FBXL18: variants seen among roughly 807,000 people sequenced by gnomAD.
FBXL18 encodes F-box and leucine rich repeat protein 18.
Under a neutral mutation model 46.0 loss-of-function variants are expected in FBXL18, and 36 were observed. The observed-to-expected ratio is 0.78, with a 90% CI of 0.60 to 1.03. FBXL18 has a LOEUF of 1.03. Among genes scored for constraint, FBXL18 ranks in the 50% least tolerant of loss-of-function variants. The pLI is 0.00. For missense variants in FBXL18, 977 were observed against 1,004.1 expected, an observed-to-expected ratio of 0.97 and a Z score of 0.36; for synonymous variants, 557 against 465.3, an observed-to-expected ratio of 1.20 and a Z score of -2.54.
intron 1 of FBXL18, among the ~76,000 whole-genome samples, chr7:5,513,349 G>T (rs918582215): frequency 6.6e-6 from 1 of 152,142 alleles, no homozygotes; most frequent in Non-Finnish European, 1.5e-5. Context: ...AGGAACCGGG[G>T]CACTGAGAAA....
chr7:5,466,732 G>A (rs115609107), intron 4 of FBXL18, among the ~76,000 whole-genome samples: 5,642 of 152,188 alleles, frequency 0.037, 367 homozygotes, highest in African/African-American at 0.13. Flanking sequence ...CAGCACCGCC[G>A]TGCCACGACC....
In FBXL18 at chr7:5,500,962, G is replaced by C; in HGVS notation, c.1307C>G (p.Pro436Arg). ...ADSAPRADRAPAQPAMHAVPR... is the reference protein window; with the variant it reads ...ADSAPRADRARAQPAMHAVPR... ...CACTGCGTGCATGGCCGGCTGGGCG[G>C]GCGCGCGGTCGGCGCGCGGCGCGGA... The change falls in exon 3 of 5, where the codon CCC becomes CGC. Residue 436 changes from proline to arginine, a missense_variant. By Grantham distance (103) the Pro-to-Arg change is moderately radical. Coordinates refer to ENST00000382368, the MANE Select transcript of FBXL18 (RefSeq NM_024963.6). 6.5e-7 allele frequency: 1 copy of C among 1,536,356 alleles called. No individual in the cohort carries two copies. Among genetic ancestry groups the C allele is most frequent in the Non-Finnish European group, 8.7e-7 (1 of 1,147,192 alleles).
rs760543048 is a variant in FBXL18, at chr7:5,478,054, G to A, written c.*3721C>T. On this transcript the variant is annotated 3_prime_UTR_variant, in exon 5 of 5. Coordinates refer to ENST00000382368, the MANE Select transcript of FBXL18 (RefSeq NM_024963.6). ...CGGACCCAGGGTGTGGTTGAGGGAG[G>A]GCGCTGCTGAGCTGGCAGGCAACCC... 2 of 152,390 alleles carry A rather than the reference G, an allele frequency of 1.3e-5. No homozygotes were observed. Among genetic ancestry groups the A allele is most frequent in the Non-Finnish European group, 2.9e-5 (2 of 68,164 alleles). 9.4% of individuals were successfully genotyped at this position (152,390 alleles called of 1,614,324 possible). A position where few individuals can be genotyped will look rare whatever the true frequency, so the allele number is the denominator to read the frequency against.
chr7:5,500,453 A>G (rs1312977183), intron 3 of FBXL18, 35 bp downstream of exon 3: 6 of 1,541,184 alleles, frequency 3.9e-6, no homozygotes, highest in Non-Finnish European at 5.3e-6. Flanking sequence ...GCCAGCTTCC[A>G]GCAGAGGCCC....
intron 1 of FBXL18, 149 bp downstream of exon 1, chr7:5,513,507 AG>A (rs1784594593): frequency 6.9e-6 from 6 of 874,566 alleles, no homozygotes; most frequent in Non-Finnish European, 1.9e-6. Context: ...GGACGGGAGC[AG>A]GGGCAAGGCC....
intron 4 of FBXL18, among the ~76,000 whole-genome samples, chr7:5,487,183 G>A (rs1054659896): frequency 6.6e-6 from 1 of 152,260 alleles, no homozygotes; most frequent in Non-Finnish European, 1.5e-5. Context: ...GACCCTGTCT[G>A]CAGGTCAGCT....
rs1046841437 is a variant in FBXL18, at chr7:5,481,716, G to A, written c.*59C>T. The A allele has an allele frequency of 4.0e-5, 64 of 1,580,718 alleles. No homozygotes were observed. Among genetic ancestry groups the A allele is most frequent in the Admixed American group, 2.2e-4 (13 of 58,394 alleles). On this transcript the variant is annotated 3_prime_UTR_variant, in exon 5 of 5. Transcript: ENST00000382368. ...TTGTGACAAACCAAGGGTCCCTGGCGTCCCAGGCTCCTGCAGCTTCTCGAG... is the reference window on the plus strand; with the variant it reads ...TTGTGACAAACCAAGGGTCCCTGGCATCCCAGGCTCCTGCAGCTTCTCGAG...
At chr7:5,466,540 C>A (rs1284137869) in intron 4 of FBXL18, among the ~76,000 whole-genome samples, 1 of 152,248 alleles carries the variant, frequency 6.6e-6, no homozygotes, top group Admixed American at 6.5e-5. Flanking sequence ...TCTTCCTCTC[C>A]TGCCTCCACG....
rs1270424086 is a variant in FBXL18 at position 5,496,315 on chromosome 7, C to T, written c.1781+4173G>A. On this transcript the variant is annotated intron_variant, in intron 3 of 4. Transcript: ENST00000382368. This position sits in a 1 kb window ranked among gnomAD's most constrained non-coding sequence, Gnocchi z 4.8. The stretch of plus-strand genomic sequence containing the variant: ...GGTCCCCTCCACCCGCGGTGGCTGC[C>T]GTCACCTCTGCCTCTTGCTTCCGGA... Among the ~76,000 whole-genome samples the T allele has an allele frequency of 6.6e-6, 1 of 152,194 alleles. No homozygotes were observed. The highest frequency in any genetic ancestry group is 1.9e-4 in the East Asian group (1 of 5,200).
intron 3 of FBXL18, among the ~76,000 whole-genome samples, chr7:5,494,132 C>T (rs768923445): frequency 4.6e-5 from 7 of 151,488 alleles, no homozygotes; most frequent in Non-Finnish European, 7.4e-5. Flanking sequence ...ATTAGCTGGT[C>T]GTGGTGGCAC....
chr7:5,466,377 C>T (rs994469716), intron 4 of FBXL18, among the ~76,000 whole-genome samples: 2 of 152,142 alleles, frequency 1.3e-5, no homozygotes, highest in African/African-American at 2.4e-5. Context: ...GGGGGATGAT[C>T]CCCTTTCCTG....
At position 5,476,123 on chromosome 7, in the gene FBXL18, G is replaced by A. The variant is rs975711594; in HGVS notation, c.*5652C>T. ...GGACAGACAATGCTCAGAAGGTGGC[G>A]AAGGGGCTGGAGGGAGATACCACCG... is the stretch of plus-strand genomic sequence containing the variant. On this transcript the variant is annotated 3_prime_UTR_variant, in exon 5 of 5. Transcript: ENST00000382368. 5 of 152,492 alleles carry A rather than the reference G, an allele frequency of 3.3e-5. No individual in the cohort carries two copies. The highest frequency in any genetic ancestry group is 2.1e-4 in the South Asian group (1 of 4,850). The allele number at this position is 152,492 out of a possible 1,614,324, so 9.4% of individuals were successfully genotyped here. A position where few individuals can be genotyped will look rare whatever the true frequency, so the allele number is the denominator to read the frequency against.
chr7:5,463,728 A>ATTTTTT (rs552002078), intron 4 of FBXL18, among the ~76,000 whole-genome samples: 26 of 53,010 alleles, frequency 4.9e-4, no homozygotes, highest in South Asian at 7.4e-4. Flanking sequence ...TTATTTATTT[A>ATTTTTT]TTTTTTTTTT....
At chr7:5,460,980 T>A (rs1318846232) in intron 4 of FBXL18, among the ~76,000 whole-genome samples, 1 of 152,194 alleles carries the variant, frequency 6.6e-6, no homozygotes, top group Non-Finnish European at 1.5e-5. Context: ...GAGAGTCTCG[T>A]TTGTTCAAAG....
chr7:5,484,932 C>A (rs1191976019), intron 4 of FBXL18, among the ~76,000 whole-genome samples: 1 of 152,074 alleles, frequency 6.6e-6, no homozygotes, highest in Non-Finnish European at 1.5e-5. Flanking sequence ...AGCCACCATA[C>A]CCGGCCATTA....
intron 4 of FBXL18, among the ~76,000 whole-genome samples, chr7:5,462,995 T>C (rs1358173422): frequency 3.1e-5 from 1 of 31,780 alleles, no homozygotes; most frequent in Non-Finnish European, 7.7e-5. Flanking sequence ...TATATATATA[T>C]AATATATATA....
At position 5,501,474 on chromosome 7, in the gene FBXL18, G is replaced by A. The variant is rs2128237604; in HGVS notation, c.795C>T (p.Phe265=). Residue 265 remains phenylalanine (F), a synonymous_variant, in exon 3 of 5, where the codon TTC becomes TTT. Coordinates refer to ENST00000382368, the MANE Select transcript of FBXL18 (RefSeq NM_024963.6). ...SDRTPQNLHA[F]LISVPGSFAE... ...CGAAGCTGCCAGGGACGGAGATGAG[G>A]AAGGCGTGGAGGTTCTGAGGAGTGC... is the stretch of plus-strand genomic sequence containing the variant. 6.2e-7 allele frequency: 1 copy of A among 1,613,914 alleles called. No individual in the cohort carries two copies. Among genetic ancestry groups the A allele is most frequent in the Non-Finnish European group, 8.5e-7 (1 of 1,180,024 alleles).
downstream of FBXL18, among the ~76,000 whole-genome samples, chr7:5,473,929 G>T (rs1460089828): frequency 1.3e-5 from 2 of 152,002 alleles, no homozygotes; most frequent in African/African-American, 2.4e-5. Flanking sequence ...TAAGTAGCTG[G>T]GACTACAGGC....
chr7:5,505,170 C>G (rs1483463231), intron 2 of FBXL18, among the ~76,000 whole-genome samples: 1 of 151,972 alleles, frequency 6.6e-6, no homozygotes, highest in Non-Finnish European at 1.5e-5. Flanking sequence ...TCCCAAGGCC[C>G]TAGGTTCCCT....
Sources: allele counts gnomAD v4.1 joint callset (sites outside exome capture counted in the v4.1 genomes callset), GRCh38; gene constraint gnomAD v4.1.1; non-coding constraint Gnocchi (gnomAD v3.1); transcripts MANE v1.5; gene names NCBI Gene and HGNC (gene_info 2026-07-23, HGNC 2026-07-21).